Variants in PSEN1 observed in about 807,000 individuals in gnomAD.
PSEN1 encodes the protein presenilin 1.
A neutral mutation model predicts 53.5 loss-of-function variants in PSEN1; 15 were observed. The ratio of observed to expected loss-of-function variants is 0.28; its 90% CI spans 0.19 to 0.43. PSEN1 has a LOEUF of 0.43. Among genes scored for constraint, PSEN1 ranks in the 20% least tolerant of loss-of-function variants. PSEN1 has a pLI of 1.00. For synonymous variants in PSEN1, 208 were observed against 209.8 expected, an observed-to-expected ratio of 0.99 and a Z score of 0.08; for missense variants, 387 against 571.2, an observed-to-expected ratio of 0.68 and a Z score of 3.29.
chr14:73,181,907 G>A (rs61986888), intron 5 of PSEN1, among the ~76,000 whole-genome samples: 8,700 of 152,106 alleles, frequency 0.057, 326 homozygotes, highest in Non-Finnish European at 0.088. Flanking sequence ...CATGGTAGCT[G>A]GGACTACAGG....
chr14:73,208,493 G>T (rs1303511693), intron 9 of PSEN1, among the ~76,000 whole-genome samples: 1 of 151,982 alleles, frequency 6.6e-6, no homozygotes, highest in Non-Finnish European at 1.5e-5. Flanking sequence ...CCTCAGTGGA[G>T]AGGAGACCCG....
chr14:73,156,521 A>C (rs1256445900), intron 3 of PSEN1, among the ~76,000 whole-genome samples: 2 of 152,162 alleles, frequency 1.3e-5, no homozygotes, highest in Non-Finnish European at 2.9e-5. Context: ...TCAAAATAAT[A>C]CTGGAGTGGC....
At chr14:73,162,447 G>GCTCTCTCTCT (rs35573180) in intron 3 of PSEN1, among the ~76,000 whole-genome samples, 1 of 146,028 alleles carries the variant, frequency 6.8e-6, no homozygotes, top group Non-Finnish European at 1.5e-5. Context: ...TCGCTCGCGC[G>GCTCTCTCTCT]CTCTCTCTCT....
At chr14:73,214,029 A>T (rs1230665597) in intron 10 of PSEN1, among the ~76,000 whole-genome samples, 1 of 152,230 alleles carries the variant, frequency 6.6e-6, no homozygotes, top group Non-Finnish European at 1.5e-5. Context: ...AGACACATAT[A>T]CAATGGTCAT....
intron 8 of PSEN1, among the ~76,000 whole-genome samples, chr14:73,198,820 A>G (rs1377696953): frequency 6.6e-6 from 1 of 152,102 alleles, no homozygotes; most frequent in African/African-American, 2.4e-5. Context: ...CCCATCCAGG[A>G]TGGAGTACAG....
chr14:73,178,903 C>G (rs1898122612), intron 5 of PSEN1, among the ~76,000 whole-genome samples: 1 of 152,126 alleles, frequency 6.6e-6, no homozygotes. Flanking sequence ...GTATATGCCA[C>G]CCAGTCACCA....
intron 5 of PSEN1, among the ~76,000 whole-genome samples, chr14:73,175,192 T>C (rs1388711819): frequency 6.6e-6 from 1 of 152,138 alleles, no homozygotes; most frequent in Non-Finnish European, 1.5e-5. Flanking sequence ...GACAGCGCGA[T>C]CTTGGCTCAC....
rs536402442 is a variant in PSEN1 at position 73,136,569 on chromosome 14, G to C, written c.-150G>C. Reference sequence around the variant, plus strand: ...CTACGAGCCGCGGCGGCAGCGGGGCGGCGGGGAAGCGTATGTGCGTGATGG... The same window carrying C: ...CTACGAGCCGCGGCGGCAGCGGGGCCGCGGGGAAGCGTATGTGCGTGATGG... On this transcript the variant is annotated 5_prime_UTR_variant, in exon 1 of 12. Coordinates refer to ENST00000324501, the MANE Select transcript of PSEN1 (RefSeq NM_000021.4). 2 of 153,218 alleles carry C rather than the reference G, an allele frequency of 1.3e-5. No homozygotes were observed. Among genetic ancestry groups the C allele is most frequent in the African/African-American group, 4.8e-5 (2 of 41,592 alleles). 9.5% of individuals were successfully genotyped at this position (153,218 alleles called of 1,614,324 possible).
At chr14:73,154,434 C>CAA (rs33930642) in intron 3 of PSEN1, among the ~76,000 whole-genome samples, 2,205 of 147,698 alleles carry the variant, frequency 0.015, 41 homozygotes, top group East Asian at 0.049. Context: ...CTTGTCTCTA[C>CAA]AAAAAAAAAA....
At chr14:73,187,603 C>T (rs1057139173) in intron 6 of PSEN1, among the ~76,000 whole-genome samples, 2 of 151,946 alleles carry the variant, frequency 1.3e-5, no homozygotes, top group East Asian at 3.9e-4. Flanking sequence ...AAAACTGACC[C>T]CTAAAGAGAG....
rs1900112544 is a variant in PSEN1 at position 73,221,241 on chromosome 14, A to G, written c.*1952A>G. The G allele has an allele frequency of 1.3e-5, 2 of 152,220 alleles. No homozygotes were observed. Among genetic ancestry groups the G allele is most frequent in the South Asian group, 2.1e-4 (1 of 4,834 alleles). 9.4% of individuals were successfully genotyped at this position (152,220 alleles called of 1,614,324 possible). A position where few individuals can be genotyped will look rare whatever the true frequency, so the allele number is the denominator to read the frequency against. On this transcript the variant is annotated 3_prime_UTR_variant, in exon 12 of 12. Transcript: ENST00000324501. ...ATCTCAATTCATTTTTTTCCATGAA[A>G]TCCCTTCTTCCAAGATTCATTCCCT...
chr14:73,142,957 C>G (rs1386838909), intron 1 of PSEN1, among the ~76,000 whole-genome samples: 1 of 152,098 alleles, frequency 6.6e-6, no homozygotes. Context: ...AGATTCTGTC[C>G]CTACTCCCAC....
chr14:73,137,815 G>A lies in PSEN1; in HGVS notation c.-136+1232G>A, dbSNP rs959743552. 4.6e-5 allele frequency among the ~76,000 whole-genome samples: 7 copies of A among 152,308 alleles called. 1 individual carries two copies. The South Asian group carries it at 1.4e-3, about 32-fold the overall frequency. ...AATAAAATGTGAGGCCCGGGGCGGT[G>A]GCTCACGCCTGTAATCCCAGCACTT... On this transcript the variant is annotated intron_variant, in intron 1 of 11. Transcript: ENST00000324501.
rs1898786387 is a variant in PSEN1 at position 73,192,948 on chromosome 14, G to A, written c.769+84G>A. 3 of 1,072,134 alleles carry A rather than the reference G, an allele frequency of 2.8e-6. No individual in the cohort carries two copies. In the South Asian group the frequency reaches 3.8e-5, roughly 13 times the overall value. 66.4% of individuals were successfully genotyped at this position (1,072,134 alleles called of 1,614,324 possible). On this transcript the variant is annotated intron_variant, in intron 7 of 11. Transcript: ENST00000324501. Reference sequence around the variant, plus strand: ...TTCCTCATCTCTTTATCTTGATTTAGAGAAAATGGTAACGTGTACATCCCA... The same window carrying A: ...TTCCTCATCTCTTTATCTTGATTTAAAGAAAATGGTAACGTGTACATCCCA...
At chr14:73,205,247 C>T (rs1255094164) in intron 8 of PSEN1, among the ~76,000 whole-genome samples, 6 of 152,002 alleles carry the variant, frequency 3.9e-5, no homozygotes, top group South Asian at 2.1e-4. Context: ...GAGGCTGAGG[C>T]GGGCGGATCA....
chr14:73,203,062 A>G (rs577269096), intron 8 of PSEN1, among the ~76,000 whole-genome samples: 3 of 152,126 alleles, frequency 2.0e-5, no homozygotes, highest in South Asian at 2.1e-4. Flanking sequence ...TATATAAATC[A>G]TTGAGTTTGA....
In PSEN1 at chr14:73,178,354, AT is replaced by A. The variant is rs532094184; in HGVS notation, c.480+4652del. Among the ~76,000 whole-genome samples the A allele has an allele frequency of 1.2e-3, 186 of 149,434 alleles. 4 individuals carry two copies. Among genetic ancestry groups the A allele is most frequent in the Admixed American group, 0.012 (173 of 14,934 alleles). On this transcript the variant is annotated intron_variant, in intron 5 of 11. Transcript: ENST00000324501. ...AGAGATGTGCCACCATGCCCAGCTA[AT>A]TTTTGTATTTTTATTAGAGATGGGG...
intron 7 of PSEN1, among the ~76,000 whole-genome samples, chr14:73,196,957 G>A (rs1898974291): frequency 7.0e-6 from 1 of 142,478 alleles, no homozygotes; most frequent in African/African-American, 2.6e-5. Flanking sequence ...TTTTGAGACG[G>A]AGTCTCGCTG....
At position 73,170,917 on chromosome 14, in the gene PSEN1, G is replaced by A; in HGVS notation, c.208G>A (p.Asp70Asn). ...GGTGGTGGAGCAAGATGAGGAAGAA[G>A]ATGAGGAGCTGACATTGAAATATGG... ...RQVVEQDEEEDEELTLKYGAK... is the reference protein window; with the variant it reads ...RQVVEQDEEENEELTLKYGAK... Residue 70 changes from aspartate to asparagine, a missense_variant, in exon 4 of 12, where the codon GAT becomes AAT. Asp to Asn is a conservative substitution (Grantham distance 23, BLOSUM62 1). This residue lies in a region of PSEN1 where 99 missense variants were observed against 101.5 expected (regional missense o/e 0.98). Transcript: ENST00000324501. 6.2e-7 allele frequency: 1 copy of A among 1,614,256 alleles called. No homozygotes were observed. The highest frequency in any genetic ancestry group is 1.1e-5 in the South Asian group (1 of 91,086).
Sources: allele counts gnomAD v4.1 joint callset (sites outside exome capture counted in the v4.1 genomes callset), GRCh38; gene constraint gnomAD v4.1.1; regional missense constraint gnomAD v4.1.1; transcripts MANE v1.5; gene names NCBI Gene and HGNC (gene_info 2026-07-23, HGNC 2026-07-21).